The following ROBO2 variants were observed in gnomAD, a reference collection of about 807,000 sequenced individuals.
ROBO2 encodes roundabout guidance receptor 2, also known as roundabout homolog 2.
A neutral mutation model predicts 160.8 loss-of-function variants in ROBO2; 53 were observed. The ratio of observed to expected loss-of-function variants is 0.33; its 90% CI spans 0.26 to 0.41. The LOEUF (loss-of-function observed/expected upper bound fraction) is 0.41, where lower values mean the gene tolerates loss of function less well. Among genes scored for constraint, ROBO2 ranks in the 10% least tolerant of loss-of-function variants. The probability of loss-of-function intolerance (pLI) is 1.00; values close to 1 mark genes in which losing one functional copy is unlikely to be tolerated. For missense variants in ROBO2, 1,577 were observed against 1,722.4 expected (o/e 0.92, Z 1.49); for synonymous variants, 664 against 611.7 (o/e 1.09, Z -1.26).
At chr3:77,342,067 G>A (rs1032087474) in intron 2 of ROBO2, among the ~76,000 whole-genome samples, 2 of 152,080 alleles carry the variant, frequency 1.3e-5, no homozygotes, top group African/African-American at 2.4e-5. Context: ...GCGTGTATTT[G>A]ATGTATAATG....
intron 2 of ROBO2, among the ~76,000 whole-genome samples, chr3:77,304,748 T>C (rs2062953993): frequency 6.6e-6 from 1 of 152,200 alleles, no homozygotes; most frequent in South Asian, 2.1e-4. Flanking sequence ...TTTATTTGTA[T>C]TAGAAAATTT....
rs141388946 is a variant in ROBO2 at position 77,130,936 on chromosome 3, G to A, written c.388+32596G>A. ...GCATTACGTTGTGCAAACTTCTTTC[G>A]TTAACTAGTTATGGAAGTGAAATTT... On this transcript the variant is annotated intron_variant, in intron 2 of 25. Transcript: ENST00000461745. Among the ~76,000 whole-genome samples the A allele has an allele frequency of 3.1e-3, 466 of 152,126 alleles. 4 individuals are homozygous for A. The highest frequency in any genetic ancestry group is 0.01 in the African/African-American group (421 of 41,508).
chr3:77,147,125 G>A (rs988466343), intron 2 of ROBO2, among the ~76,000 whole-genome samples: 2 of 152,066 alleles, frequency 1.3e-5, no homozygotes, highest in African/African-American at 4.8e-5. Context: ...ATTTCAACTT[G>A]TTTACTAAAT....
At chr3:77,345,228 C>T (rs1019877960) in intron 2 of ROBO2, among the ~76,000 whole-genome samples, 1 of 152,150 alleles carries the variant, frequency 6.6e-6, no homozygotes, top group Non-Finnish European at 1.5e-5. Flanking sequence ...GGCAGGAGGC[C>T]TTAGCTCCTC....
At chr3:75,937,501 G>C in exon 2 of ROBO2, 1 of 1,566,392 alleles carries the variant, frequency 6.4e-7, no homozygotes, top group Non-Finnish European at 8.6e-7. Flanking sequence ...GCAATGGCCA[G>C]AAGACATGAA....
At chr3:76,526,145 C>A (rs185361592) in intron 2 of ROBO2, among the ~76,000 whole-genome samples, 1 of 152,068 alleles carries the variant, frequency 6.6e-6, no homozygotes, top group African/African-American at 2.4e-5. Context: ...CCAGCTCGTT[C>A]ATTTTACAGA....
intron 1 of ROBO2, among the ~76,000 whole-genome samples, chr3:75,931,825 C>T (rs528798294): frequency 6.6e-6 from 1 of 151,982 alleles, no homozygotes; most frequent in African/African-American, 2.4e-5. Flanking sequence ...AGTTGGGTTT[C>T]TGTACCTGTC....
Position 76,008,637 on chromosome 3 carries a change from T to G in ROBO2, c.109+71035T>G, listed in dbSNP as rs75927170. On this transcript the variant is annotated intron_variant, in intron 2 of 26. Coordinates refer to the ROBO2 transcript ENST00000487694. ...AACGTTTTAGAATGAATTCCTAATTTTATACATCAAATGACCACCCTCTCA... is the reference window on the plus strand; with the variant it reads ...AACGTTTTAGAATGAATTCCTAATTGTATACATCAAATGACCACCCTCTCA... Among the ~76,000 whole-genome samples the G allele has an allele frequency of 9.8e-3, 1,486 of 152,296 alleles. 83 individuals are homozygous for G. Among genetic ancestry groups the G allele is most frequent in the Admixed American group, 0.071 (1,084 of 15,290 alleles).
intron 2 of ROBO2, among the ~76,000 whole-genome samples, chr3:77,204,104 A>G (rs916857756): frequency 6.6e-6 from 1 of 152,198 alleles, no homozygotes; most frequent in Non-Finnish European, 1.5e-5. Context: ...CATCTTGGTT[A>G]TGTAAAATAT....
chr3:76,472,846 A>T (rs1262242553), intron 2 of ROBO2, among the ~76,000 whole-genome samples: 1 of 152,160 alleles, frequency 6.6e-6, no homozygotes, highest in Non-Finnish European at 1.5e-5. Flanking sequence ...AATCAGGGAG[A>T]TGTTGATAGA....
chr3:76,770,961 A>G (rs1437822507), intron 2 of ROBO2, among the ~76,000 whole-genome samples: 1 of 151,324 alleles, frequency 6.6e-6, no homozygotes, highest in Non-Finnish European at 1.5e-5. Context: ...GGAAGAATCT[A>G]CTGGTATGTT....
At chr3:76,226,905 C>T (rs1449545440) in intron 2 of ROBO2, among the ~76,000 whole-genome samples, 1 of 152,104 alleles carries the variant, frequency 6.6e-6, no homozygotes, top group Non-Finnish European at 1.5e-5. Flanking sequence ...AATAAATGTA[C>T]TCACAGCAGT....
chr3:77,634,141 C>G (rs2095222598), intron 23 of ROBO2: 1 of 152,110 alleles, frequency 6.6e-6, no homozygotes, highest in Admixed American at 6.6e-5. Context: ...CCCCGTATAC[C>G]TACTCTAAAC....
intron 2 of ROBO2, among the ~76,000 whole-genome samples, chr3:77,250,566 C>T (rs990378277): frequency 6.6e-5 from 10 of 152,118 alleles, no homozygotes; most frequent in Non-Finnish European, 1.5e-4. Flanking sequence ...CTTTTTTTCC[C>T]CGGAATCACA....
intron 2 of ROBO2, among the ~76,000 whole-genome samples, chr3:76,143,253 A>T (rs1156500658): frequency 6.6e-6 from 1 of 151,980 alleles, no homozygotes; most frequent in Non-Finnish European, 1.5e-5. Flanking sequence ...CTGGTCATGA[A>T]ATCCCTGCCT....
chr3:76,543,135 A>C lies in ROBO2; in HGVS notation c.110-554879A>C, dbSNP rs185479546. Among the ~76,000 whole-genome samples the C allele has an allele frequency of 4.6e-5, 7 of 152,288 alleles. No homozygotes were observed. The East Asian group carries it at 1.4e-3, about 29-fold the overall frequency. On this transcript the variant is annotated intron_variant, in intron 2 of 26. Transcript: ENST00000487694. ...TGATAATTCACAAATCAAAATCTGC[A>C]TTCTAAATTTTCTTAGTAGTATTGT...
chr3:76,720,093 A>G lies in ROBO2; in HGVS notation c.110-377921A>G, dbSNP rs200708376. ...GAGATGGGCCTCTGACAGGAGATTCAGTAATAACAGCAGATCCCTCATCAG... is the reference window on the plus strand; with the variant it reads ...GAGATGGGCCTCTGACAGGAGATTCGGTAATAACAGCAGATCCCTCATCAG... On this transcript the variant is annotated intron_variant, in intron 2 of 26. Coordinates refer to the ROBO2 transcript ENST00000487694. Among the ~76,000 whole-genome samples, 5 of 152,278 alleles carry G rather than the reference A, an allele frequency of 3.3e-5. No homozygotes were observed. In the East Asian group the frequency reaches 9.7e-4, roughly 29 times the overall value.
chr3:76,395,417 C>G lies in ROBO2; in HGVS notation c.109+457815C>G, dbSNP rs536498269. Among the ~76,000 whole-genome samples, 45 of 146,696 alleles carry G rather than the reference C, an allele frequency of 3.1e-4. 1 individual carries two copies. In the South Asian group the frequency reaches 9.7e-3, roughly 31 times the overall value. Reference sequence around the variant, plus strand: ...CACCCTAACATCACAATTAAAAGAACTAGAAAAGCAAGAGCAAACATATTC... The same window carrying G: ...CACCCTAACATCACAATTAAAAGAAGTAGAAAAGCAAGAGCAAACATATTC... On this transcript the variant is annotated intron_variant, in intron 2 of 26. Transcript: ENST00000487694.
At chr3:76,284,481 T>C (rs2107680530) in intron 2 of ROBO2, among the ~76,000 whole-genome samples, 1 of 152,246 alleles carries the variant, frequency 6.6e-6, no homozygotes, top group South Asian at 2.1e-4. Context: ...TCAGTGTATA[T>C]TTAATAGATA....
Sources: allele counts gnomAD v4.1 joint callset (sites outside exome capture counted in the v4.1 genomes callset), GRCh38; gene constraint gnomAD v4.1.1; transcripts MANE v1.5; gene names NCBI Gene and HGNC (gene_info 2026-07-23, HGNC 2026-07-21).